Variants in PPP2R2B observed in about 807,000 individuals in gnomAD.
The protein encoded by PPP2R2B is protein phosphatase 2 regulatory subunit Bbeta.
In PPP2R2B, 5 loss-of-function variants were observed where a neutral mutation model predicts 46.0. The ratio of observed to expected loss-of-function variants is 0.11; its 90% confidence interval spans 0.06 to 0.23. PPP2R2B has a LOEUF of 0.23. PPP2R2B is among the 10% of genes least tolerant of loss of function. The pLI is 1.00. For synonymous variants in PPP2R2B, 215 were observed against 206.7 expected (o/e 1.04, Z -0.34); for missense variants, 367 against 575.0 (o/e 0.64, Z 3.70).
rs1286822851 is a variant in PPP2R2B, at chr5:147,077,275, T to TATAC, written c.50+3783_50+3784insGTAT. ...CGTTATACATATATGTATGTGTGTA[T>TATAC]ACACACACACACACACACACACACA... On this transcript the variant is annotated intron_variant, in intron 2 of 10. Coordinates refer to the PPP2R2B transcript ENST00000394413. 9.8e-3 allele frequency among the ~76,000 whole-genome samples: 1,382 copies of TATAC among 140,482 alleles called. 19 individuals are homozygous for TATAC. Among genetic ancestry groups the TATAC allele is most frequent in the African/African-American group, 0.035 (1,307 of 37,450 alleles). The allele number at this position is 140,482 out of a possible 152,430, so 92.2% of individuals were successfully genotyped here.
chr5:146,940,271 C>T (rs1764279094), intron 1 of PPP2R2B, among the ~76,000 whole-genome samples: 2 of 152,188 alleles, frequency 1.3e-5, no homozygotes, highest in Non-Finnish European at 1.5e-5. Flanking sequence ...CAGATTCAGG[C>T]CTGGATGATT....
rs6868752 is a variant in PPP2R2B, at chr5:146,909,235, C to T, written c.79+146430G>A. On this transcript the variant is annotated intron_variant, in intron 1 of 8. Transcript: ENST00000336640. ...GGGGAGCTCATCCATCCTCCTAGAC[C>T]ATGACATTCCCCCACACTAACATCA... Among the ~76,000 whole-genome samples the T allele has an allele frequency of 4.3e-3, 657 of 152,254 alleles. 8 individuals carry two copies. The highest frequency in any genetic ancestry group is 0.015 in the African/African-American group (613 of 41,548).
intron 7 of PPP2R2B, among the ~76,000 whole-genome samples, chr5:146,601,244 C>T (rs1378410158): frequency 6.6e-6 from 1 of 152,076 alleles, no homozygotes; most frequent in Non-Finnish European, 1.5e-5. Flanking sequence ...TATGATTATA[C>T]ATGTATAAGT....
chr5:147,016,801 C>T (rs1288470370), intron 1 of PPP2R2B, among the ~76,000 whole-genome samples: 1 of 151,614 alleles, frequency 6.6e-6, no homozygotes, highest in African/African-American at 2.4e-5. Flanking sequence ...GGCAAGAAGA[C>T]TTGAAATCCA....
intron 2 of PPP2R2B, among the ~76,000 whole-genome samples, chr5:146,715,150 A>G (rs1780424590): frequency 6.6e-6 from 1 of 152,200 alleles, no homozygotes; most frequent in South Asian, 2.1e-4. Context: ...TTCCCTGTGC[A>G]AGATTTACAG....
intron 1 of PPP2R2B, among the ~76,000 whole-genome samples, chr5:146,960,440 C>T (rs1174821060): frequency 6.6e-6 from 1 of 152,158 alleles, no homozygotes; most frequent in Non-Finnish European, 1.5e-5. Flanking sequence ...CAGGCGCAGG[C>T]CACCACGCCC....
At chr5:146,826,387 C>T (rs1758578781) in intron 2 of PPP2R2B, among the ~76,000 whole-genome samples, 1 of 152,050 alleles carries the variant, frequency 6.6e-6, no homozygotes, top group East Asian at 1.9e-4. Context: ...GAAGTAGAAC[C>T]TTAGAGAGCC....
At chr5:147,014,204 T>C (rs1754884006) in intron 1 of PPP2R2B, among the ~76,000 whole-genome samples, 1 of 132,646 alleles carries the variant, frequency 7.5e-6, no homozygotes, top group Non-Finnish European at 1.7e-5. Context: ...TCACACCAGT[T>C]AGAATGGCAA....
At chr5:146,914,559 C>A (rs1319457775) in intron 1 of PPP2R2B, 1 of 152,178 alleles carries the variant, frequency 6.6e-6, no homozygotes, top group African/African-American at 2.4e-5. Flanking sequence ...ACATAATCAG[C>A]TTTTAAAAGC....
At chr5:147,076,430 AG>A (rs1256715351) in intron 2 of PPP2R2B, among the ~76,000 whole-genome samples, 2 of 152,192 alleles carry the variant, frequency 1.3e-5, no homozygotes, top group Admixed American at 1.3e-4. Flanking sequence ...TCAAGAGGTT[AG>A]AAAAATATAA....
At chr5:147,060,003 T>C (rs1052344068), upstream of PPP2R2B, among the ~76,000 whole-genome samples, 2 of 152,144 alleles carry the variant, frequency 1.3e-5, no homozygotes, top group African/African-American at 4.8e-5. Flanking sequence ...ATCCTCACAG[T>C]TTTTCATTTT....
intron 1 of PPP2R2B, among the ~76,000 whole-genome samples, chr5:147,004,965 A>G (rs963557139): frequency 6.6e-6 from 1 of 152,122 alleles, no homozygotes; most frequent in Non-Finnish European, 1.5e-5. Flanking sequence ...CAAGGAAAGG[A>G]TCTTACTGTC....
chr5:147,079,373 A>ATG (rs1306237352), intron 2 of PPP2R2B, among the ~76,000 whole-genome samples: 1 of 139,310 alleles, frequency 7.2e-6, no homozygotes, highest in Non-Finnish European at 1.6e-5. Flanking sequence ...ATATATATAT[A>ATG]ATATGTGATA....
At chr5:146,623,173 A>C (rs986239478) in intron 7 of PPP2R2B, among the ~76,000 whole-genome samples, 3 of 152,248 alleles carry the variant, frequency 2.0e-5, no homozygotes, top group African/African-American at 7.2e-5. Flanking sequence ...ACACGAACAC[A>C]AAAGATTCTC....
chr5:146,601,045 G>A (rs1771732373), intron 7 of PPP2R2B, among the ~76,000 whole-genome samples: 1 of 152,042 alleles, frequency 6.6e-6, no homozygotes, highest in South Asian at 2.1e-4. Context: ...AGAATATATG[G>A]TCATTTGGGA....
chr5:146,981,823 T>C (rs977663223), intron 1 of PPP2R2B, among the ~76,000 whole-genome samples: 1 of 152,268 alleles, frequency 6.6e-6, no homozygotes, highest in South Asian at 2.1e-4. Flanking sequence ...GAATGTTATA[T>C]AAATGGAATT....
At chr5:146,631,171 G>T (rs1057223402) in intron 7 of PPP2R2B, among the ~76,000 whole-genome samples, 2 of 152,260 alleles carry the variant, frequency 1.3e-5, no homozygotes, top group South Asian at 4.2e-4. Context: ...GGGCTGCTGG[G>T]GTGGGCAGGG....
intron 2 of PPP2R2B, among the ~76,000 whole-genome samples, chr5:146,796,980 C>G (rs1231978946): frequency 6.6e-6 from 1 of 152,168 alleles, no homozygotes; most frequent in Non-Finnish European, 1.5e-5. Flanking sequence ...AAGTTCTCCA[C>G]CTTTTAAGGT....
At chr5:146,654,170 C>T (rs1246379929) in intron 5 of PPP2R2B, among the ~76,000 whole-genome samples, 1 of 152,172 alleles carries the variant, frequency 6.6e-6, no homozygotes, top group Non-Finnish European at 1.5e-5. Context: ...GAACCCCTGA[C>T]TCCCTGCCCC....
Sources: gnomAD v4.1 joint callset for allele counts (sites outside exome capture counted in the v4.1 genomes callset) on GRCh38, gnomAD v4.1.1 for gene constraint, MANE v1.5 for transcripts, NCBI Gene and HGNC (gene_info 2026-07-23, HGNC 2026-07-21) for gene names.